The following ZNF674 variants were observed in gnomAD, a reference collection of about 807,000 sequenced individuals.
ZNF674 encodes the protein zinc finger protein 674.
ZNF674 carries 2 observed loss-of-function variants against 7.0 expected under a neutral mutation model. That is an observed-to-expected ratio of 0.29 (90% CI 0.12 to 0.90). The LOEUF (loss-of-function observed/expected upper bound fraction) is 0.90, where lower values mean the gene tolerates loss of function less well. Ranked by LOEUF, ZNF674 falls within the 40% of genes least tolerant of loss-of-function variation. The pLI is 0.57. For missense variants in ZNF674, 297 were observed against 415.5 expected, an observed-to-expected ratio of 0.71 and a Z score of 2.48; for synonymous variants, 103 against 145.2, an observed-to-expected ratio of 0.71 and a Z score of 2.09.
At position 46,542,111 on chromosome X, in the gene ZNF674, G is replaced by T; in HGVS notation, c.-24C>A. Reference sequence around the variant, plus strand: ...ATCTTGTTGTGCTCCTGCAAAGGATGGAGATCTACAAATACAGAATTAGAA... The same window carrying T: ...ATCTTGTTGTGCTCCTGCAAAGGATTGAGATCTACAAATACAGAATTAGAA... On this transcript the variant is annotated 5_prime_UTR_variant, in exon 3 of 6. Coordinates refer to ENST00000683375, the MANE Select transcript of ZNF674 (RefSeq NM_001190417.2). 4 of 1,174,194 alleles carry T rather than the reference G, an allele frequency of 3.4e-6. No individual in the cohort carries two copies. Among genetic ancestry groups the T allele is most frequent in the Non-Finnish European group, 3.5e-6 (3 of 866,585 alleles).
intron 5 of ZNF674, chrX:46,523,297 TA>T (rs769642076): frequency 8.7e-6 from 1 of 115,508 alleles, no homozygotes; most frequent in African/African-American, 3.2e-5. Flanking sequence ...TAAAAAATAA[TA>T]AGGAAATCTT....
intron 5 of ZNF674, among the ~76,000 whole-genome samples, chrX:46,509,233 G>C (rs1417132247): frequency 9.6e-5 from 10 of 103,716 alleles, no homozygotes; most frequent in Non-Finnish European, 1.4e-4. Context: ...CATGGGCAAG[G>C]ACTTCATGTC....
rs1044848468 is a variant in ZNF674, at chrX:46,536,366, C to T, written c.15+5707G>A. ...CAGCACTTTGGGAGGCTGAGGCAGG[C>T]GGATCACGAGGTCAAGAGATCGAGA... On this transcript the variant is annotated intron_variant, in intron 3 of 5. Coordinates refer to ENST00000683375, the MANE Select transcript of ZNF674 (RefSeq NM_001190417.2). Among the ~76,000 whole-genome samples, 3 of 110,416 alleles carry T rather than the reference C, an allele frequency of 2.7e-5. No homozygotes were observed. The East Asian group carries it at 8.5e-4, about 31-fold the overall frequency.
intron 5 of ZNF674, among the ~76,000 whole-genome samples, chrX:46,524,036 C>T (rs1363552805): frequency 9.3e-6 from 1 of 107,235 alleles, no homozygotes; most frequent in Non-Finnish European, 1.9e-5. Context: ...GAGCAAAACT[C>T]CATCTCAAAA....
intron 3 of ZNF674, among the ~76,000 whole-genome samples, chrX:46,536,002 C>T (rs1447272097): frequency 1.3e-4 from 15 of 112,063 alleles, no homozygotes; most frequent in African/African-American, 4.9e-4. Flanking sequence ...ATTAAATACT[C>T]TCATATAAAG....
intron 5 of ZNF674, among the ~76,000 whole-genome samples, chrX:46,502,300 C>T (rs190846605): frequency 0.023 from 665 of 29,515 alleles, 11 homozygotes; most frequent in African/African-American, 0.21. Context: ...AGCAAGACTC[C>T]GTCTCAAAAA....
chrX:46,531,111 A>T (rs1287614978), intron 3 of ZNF674, among the ~76,000 whole-genome samples: 1 of 113,038 alleles, frequency 8.8e-6, no homozygotes, highest in Non-Finnish European at 1.9e-5. Flanking sequence ...ACAACAACCA[A>T]AGGGCTGGGT....
intron 3 of ZNF674, among the ~76,000 whole-genome samples, chrX:46,540,587 G>A (rs189776073): frequency 4.5e-5 from 5 of 111,592 alleles, no homozygotes; most frequent in Admixed American, 9.6e-5. Context: ...AAAATGGAAC[G>A]CAGAAATTAT....
At chrX:46,510,210 A>G (rs1941627496) in intron 5 of ZNF674, among the ~76,000 whole-genome samples, 1 of 108,513 alleles carries the variant, frequency 9.2e-6, no homozygotes, top group Non-Finnish European at 1.9e-5. Context: ...TGATGGGTGC[A>G]GCACACCAGC....
At chrX:46,530,553 C>A (rs1294783671) in intron 3 of ZNF674, among the ~76,000 whole-genome samples, 1 of 111,738 alleles carries the variant, frequency 8.9e-6, no homozygotes, top group Admixed American at 9.6e-5. Context: ...TCATAGTTTA[C>A]TCAGTCCTCC....
rs141720101 is a variant in ZNF674 at position 46,520,098 on chromosome X, G to T, written c.238+8252C>A. Among the ~76,000 whole-genome samples, 621 of 111,874 alleles carry T rather than the reference G, an allele frequency of 5.6e-3. 5 individuals carry two copies. The highest frequency in any genetic ancestry group is 0.019 in the African/African-American group (594 of 30,850). On this transcript the variant is annotated intron_variant, in intron 5 of 5. Coordinates refer to ENST00000683375, the MANE Select transcript of ZNF674 (RefSeq NM_001190417.2). ...AGAGGAGATGGGCTGGGAGAAAATC[G>T]GTATGACTATAAAAGAGTGACGGTC...
At chrX:46,504,496 C>A (rs1037981437) in intron 5 of ZNF674, among the ~76,000 whole-genome samples, 6 of 110,467 alleles carry the variant, frequency 5.4e-5, no homozygotes, top group Admixed American at 4.9e-4. Flanking sequence ...GCACCTGCTA[C>A]CACGCCTGGC....
chrX:46,543,494 G>C (rs904220475), intron 2 of ZNF674, among the ~76,000 whole-genome samples: 6 of 111,456 alleles, frequency 5.4e-5, no homozygotes, highest in African/African-American at 9.8e-5. Context: ...TCAAAGGGCC[G>C]CAGGGAAGGA....
intron 1 of ZNF674, among the ~76,000 whole-genome samples, chrX:46,544,968 C>T (rs900214761): frequency 8.9e-6 from 1 of 111,777 alleles, no homozygotes; most frequent in Admixed American, 9.5e-5. Flanking sequence ...AAACAATAAA[C>T]ATGATAAACA....
At chrX:46,543,859 G>A (rs1245952762) in intron 2 of ZNF674, among the ~76,000 whole-genome samples, 1 of 112,461 alleles carries the variant, frequency 8.9e-6, no homozygotes, top group African/African-American at 3.2e-5. Flanking sequence ...CTGGATGACA[G>A]CATACCTAGA....
chrX:46,515,001 A>G (rs1335798094), intron 5 of ZNF674, among the ~76,000 whole-genome samples: 2 of 112,029 alleles, frequency 1.8e-5, no homozygotes, highest in African/African-American at 6.5e-5. Context: ...TCAGAAATTG[A>G]AAGGATAAGG....
intron 3 of ZNF674, among the ~76,000 whole-genome samples, chrX:46,535,153 C>CT (rs1011319459): frequency 1.1e-4 from 12 of 108,751 alleles, no homozygotes; most frequent in East Asian, 2.9e-4. Context: ...AATTTTTTTT[C>CT]TTTTTTTTTG....
intron 5 of ZNF674, among the ~76,000 whole-genome samples, chrX:46,512,084 G>A (rs1034489378): frequency 4.6e-5 from 5 of 108,910 alleles, no homozygotes; most frequent in African/African-American, 6.7e-5. Flanking sequence ...TTGGCCGGGC[G>A]CCACAGTGGC....
intron 1 of ZNF674, among the ~76,000 whole-genome samples, 174 bp downstream of exon 1, chrX:46,545,197 A>C (rs1942357067): frequency 9.1e-6 from 1 of 110,177 alleles, no homozygotes; most frequent in Admixed American, 9.7e-5. Flanking sequence ...TCAATTAGTC[A>C]CTCGCTGGCC....
Sources: allele counts gnomAD v4.1 joint callset (sites outside exome capture counted in the v4.1 genomes callset), GRCh38; gene constraint gnomAD v4.1.1; transcripts MANE v1.5; gene names NCBI Gene and HGNC (gene_info 2026-07-23, HGNC 2026-07-21).